Variants in RRAGC observed in about 807,000 individuals in gnomAD.
RRAGC encodes the protein ras-related GTP-binding protein C.
A neutral mutation model predicts 37.1 loss-of-function variants in RRAGC; 8 were observed. The ratio of observed to expected loss-of-function variants is 0.22; its 90% CI spans 0.13 to 0.39. The LOEUF (loss-of-function observed/expected upper bound fraction) is 0.39. RRAGC is among the 10% of genes least tolerant of loss of function. The pLI is 1.00. For missense variants in RRAGC, 342 were observed against 497.6 expected, an observed-to-expected ratio of 0.69 and a Z score of 2.98; for synonymous variants, 190 against 181.1, an observed-to-expected ratio of 1.05 and a Z score of -0.39.
intron 5 of RRAGC, 147 bp from the exon 6 acceptor site, chr1:38,846,234 G>A: frequency 4.6e-6 from 3 of 645,280 alleles, no homozygotes; most frequent in Non-Finnish European, 7.9e-6. Flanking sequence ...TGTTGTTAAG[G>A]TATAGTGTTC....
intron 6 of RRAGC, 59 bp downstream of exon 6, chr1:38,845,880 A>C: frequency 7.1e-7 from 1 of 1,412,836 alleles, no homozygotes; most frequent in Non-Finnish European, 9.7e-7. Context: ...TGTTTTCAAG[A>C]ACCTGAGAAG....
chr1:38,848,434 G>A (rs1357546276), intron 5 of RRAGC, among the ~76,000 whole-genome samples: 2 of 152,024 alleles, frequency 1.3e-5, no homozygotes, highest in Non-Finnish European at 2.9e-5. Flanking sequence ...AAACTATAAA[G>A]CTCCTAATGT....
intron 1 of RRAGC, among the ~76,000 whole-genome samples, chr1:38,858,469 C>T (rs113886921): frequency 0.013 from 1,983 of 152,252 alleles, 48 homozygotes; most frequent in African/African-American, 0.045. Context: ...GAGGCCAAGG[C>T]GGATGATCAC....
chr1:38,840,399 T>C (rs545862247), intron 6 of RRAGC, among the ~76,000 whole-genome samples: 64 of 152,320 alleles, frequency 4.2e-4, no homozygotes, highest in Non-Finnish European at 7.9e-4. Flanking sequence ...TAAATACTTA[T>C]TACACAGCAC....
intron 4 of RRAGC, 80 bp downstream of exon 4, chr1:38,852,294 T>C: frequency 1.2e-6 from 1 of 829,078 alleles, no homozygotes; most frequent in Non-Finnish European, 2.1e-6. Context: ...AAGACTTTTT[T>C]GGAAAATTTG....
Position 38,839,441 on chromosome 1 carries a change from T to G in RRAGC, c.*112A>C, listed in dbSNP as rs548486349. 8.5e-7 allele frequency: 1 copy of G among 1,173,142 alleles called. No individual in the cohort carries two copies. The highest frequency in any genetic ancestry group is 1.5e-5 in the African/African-American group (1 of 65,372). 72.7% of individuals were successfully genotyped at this position (1,173,142 alleles called of 1,614,324 possible). A position where few individuals can be genotyped will look rare whatever the true frequency, so the allele number is the denominator to read the frequency against. ...GAGAAACTCTACCCCTTGTCTCTAG[T>G]GGAACAGGCACCAGATTCCCACAAG... On this transcript the variant is annotated 3_prime_UTR_variant, in exon 7 of 7. Coordinates refer to ENST00000373001, the MANE Select transcript of RRAGC (RefSeq NM_022157.4).
intron 1 of RRAGC, among the ~76,000 whole-genome samples, 182 bp from the exon 2 acceptor site, chr1:38,857,264 C>G (rs1642178791): frequency 1.3e-5 from 2 of 152,044 alleles, no homozygotes; most frequent in South Asian, 4.1e-4. Context: ...AAGAAGACAC[C>G]AAATTAATTT....
chr1:38,850,306 C>T (rs1642083353), intron 5 of RRAGC, among the ~76,000 whole-genome samples: 2 of 151,640 alleles, frequency 1.3e-5, no homozygotes, highest in Admixed American at 6.6e-5. Flanking sequence ...GTCAGGAAAT[C>T]GATCGAGACC....
chr1:38,856,270 T>G (rs762960596), intron 2 of RRAGC, among the ~76,000 whole-genome samples: 50 of 152,332 alleles, frequency 3.3e-4, no homozygotes, highest in Non-Finnish European at 5.4e-4. Flanking sequence ...AAGATCAGAA[T>G]TACAATACCT....
At chr1:38,849,346 C>T (rs1489194465) in intron 5 of RRAGC, among the ~76,000 whole-genome samples, 2 of 152,162 alleles carry the variant, frequency 1.3e-5, no homozygotes, top group Non-Finnish European at 2.9e-5. Context: ...TACAGGTGGA[C>T]ACTACCACAT....
At chr1:38,853,965 G>C (rs1214761363) in intron 3 of RRAGC, among the ~76,000 whole-genome samples, 1 of 152,064 alleles carries the variant, frequency 6.6e-6, no homozygotes, top group African/African-American at 2.4e-5. Flanking sequence ...TGGGGACAGG[G>C]AGAACCTGCA....
rs963554054 is a variant in RRAGC, at chr1:38,839,305, A to G, written c.*248T>C. On this transcript the variant is annotated 3_prime_UTR_variant, in exon 7 of 7. Transcript: ENST00000373001. Reference sequence around the variant, plus strand: ...AGGGGACCCAAAAGAGGAGAAACACACACTTGAGTTCTGTGGTCTCCAGAA... The same window carrying G: ...AGGGGACCCAAAAGAGGAGAAACACGCACTTGAGTTCTGTGGTCTCCAGAA... The G allele has an allele frequency of 1.9e-5, 7 of 377,966 alleles. No homozygotes were observed. Among genetic ancestry groups the G allele is most frequent in the Non-Finnish European group, 3.3e-5 (7 of 212,810 alleles). The allele number at this position is 377,966 out of a possible 1,614,324, so 23.4% of individuals were successfully genotyped here. A position where few individuals can be genotyped will look rare whatever the true frequency, so the allele number is the denominator to read the frequency against.
chr1:38,841,281 A>G (rs886534920), intron 6 of RRAGC, among the ~76,000 whole-genome samples: 7 of 152,142 alleles, frequency 4.6e-5, no homozygotes, highest in African/African-American at 1.7e-4. Context: ...GTGTGTGGGA[A>G]TGAGGGCTGA....
intron 1 of RRAGC, 28 bp downstream of exon 1, chr1:38,859,382 G>C: frequency 1.3e-6 from 2 of 1,538,794 alleles, no homozygotes; most frequent in South Asian, 2.4e-5. Context: ...CGGGGAGGGG[G>C]CGGGGGACTG....
chr1:38,850,539 T>TAAAC (rs1642087620), intron 5 of RRAGC, among the ~76,000 whole-genome samples: 1 of 150,256 alleles, frequency 6.7e-6, no homozygotes, highest in Non-Finnish European at 1.5e-5. Flanking sequence ...AATAAATAAA[T>TAAAC]AAATAACAAA....
rs770037090 is a variant in RRAGC at position 38,844,448 on chromosome 1, GA to G, written c.1048+1490del. On this transcript the variant is annotated intron_variant, in intron 6 of 6. Coordinates refer to ENST00000373001, the MANE Select transcript of RRAGC (RefSeq NM_022157.4). ...CTTGGCTCTGACAAACAGGACTGAG[GA>G]AAAAAAAAAAAAAAACAGAAGAAAC... Among the ~76,000 whole-genome samples, 578 of 98,160 alleles carry G rather than the reference GA, an allele frequency of 5.9e-3. 7 individuals carry two copies. The highest frequency in any genetic ancestry group is 0.051 in the East Asian group (156 of 3,086). The allele number at this position is 98,160 out of a possible 152,430, so 64.4% of individuals were successfully genotyped here.
chr1:38,855,592 A>T, intron 3 of RRAGC, 116 bp downstream of exon 3: 1 of 838,568 alleles, frequency 1.2e-6, no homozygotes, highest in Non-Finnish European at 1.9e-6. Context: ...TCAAAAACAT[A>T]AAAGATGTGG....
intron 1 of RRAGC, 88 bp from the exon 2 acceptor site, chr1:38,857,170 G>C: frequency 8.9e-7 from 1 of 1,122,248 alleles, no homozygotes; most frequent in Non-Finnish European, 1.3e-6. Context: ...TTAAACATTT[G>C]ATCCCACAAA....
Position 38,859,685 on chromosome 1 carries a change from GGCCAGGCCGA to G in RRAGC, c.-49_-40del. The G allele has an allele frequency of 6.9e-7, 1 of 1,446,284 alleles. No homozygotes were observed. 89.6% of individuals were successfully genotyped at this position (1,446,284 alleles called of 1,614,324 possible). ...CCGCCGCCCGCGCCCTGACAGGCCA[GGCCAGGCCGA>G]GCCAGGCCGCCGCCTCCCCAGTCCG... On this transcript the variant is annotated 5_prime_UTR_variant, in exon 1 of 7. Transcript: ENST00000373001.
Sources: gnomAD v4.1 joint callset for allele counts (sites outside exome capture counted in the v4.1 genomes callset) on GRCh38, gnomAD v4.1.1 for gene constraint, MANE v1.5 for transcripts, NCBI Gene and HGNC (gene_info 2026-07-23, HGNC 2026-07-21) for gene names.